SLC45A4: variants seen among roughly 807,000 people sequenced by gnomAD.
SLC45A4 encodes the protein polyamine-transporter SLC45A4.
A neutral mutation model predicts 63.7 loss-of-function variants in SLC45A4; 32 were observed. The observed-to-expected ratio is 0.50, with a 90% confidence interval of 0.38 to 0.67. SLC45A4 has a LOEUF of 0.67. SLC45A4 is among the 30% of genes least tolerant of loss of function. SLC45A4 has a pLI of 0.00. For synonymous variants in SLC45A4, 535 were observed against 510.0 expected, an observed-to-expected ratio of 1.05 and a Z score of -0.66; for missense variants, 1,027 against 1,157.7, an observed-to-expected ratio of 0.89 and a Z score of 1.64.
At chr8:141,277,093 G>T (rs1021930611) in intron 1 of SLC45A4, among the ~76,000 whole-genome samples, 3 of 152,254 alleles carry the variant, frequency 2.0e-5, no homozygotes, top group African/African-American at 7.2e-5. Context: ...CGGCACAGGG[G>T]TGAGGAGCCC....
intron 3 of SLC45A4, 54 bp from the exon 4 acceptor site, chr8:141,219,883 G>A (rs901697444): frequency 4.1e-6 from 6 of 1,463,808 alleles, no homozygotes; most frequent in Non-Finnish European, 5.4e-6. Flanking sequence ...GCCAGGGTGG[G>A]CCTGATAGCA....
Position 141,254,688 on chromosome 8 carries a change from G to A in SLC45A4, c.-400-59C>T. ...CAGGGGACGGCCACCAGATGGCCCT[G>A]TGGACCGCCGCCCGACCCCCGAGCA... On this transcript the variant is annotated intron_variant, in intron 1 of 8. Transcript: ENST00000517878. This position sits in a 1 kb window ranked among gnomAD's most constrained non-coding sequence, Gnocchi z 4.5. 1.4e-6 allele frequency: 1 copy of A among 695,030 alleles called. No individual in the cohort carries two copies. The highest frequency in any genetic ancestry group is 1.5e-5 in the South Asian group (1 of 66,682). The allele number at this position is 695,030 out of a possible 1,614,324, so 43.1% of individuals were successfully genotyped here.
intron 2 of SLC45A4, among the ~76,000 whole-genome samples, chr8:141,243,356 G>A (rs1828008523): frequency 6.6e-6 from 1 of 152,198 alleles, no homozygotes; most frequent in African/African-American, 2.4e-5. Flanking sequence ...TGTCAATGGC[G>A]CTCTCATTCC....
At chr8:141,239,980 A>C (rs1291454530) in intron 2 of SLC45A4, among the ~76,000 whole-genome samples, 2 of 152,228 alleles carry the variant, frequency 1.3e-5, no homozygotes, top group Non-Finnish European at 2.9e-5. Flanking sequence ...AGGCTTTTCA[A>C]GAGTAGACTT....
intron 1 of SLC45A4, among the ~76,000 whole-genome samples, chr8:141,285,525 G>A (rs1221794557): frequency 6.6e-6 from 1 of 152,194 alleles, no homozygotes; most frequent in Non-Finnish European, 1.5e-5. Context: ...GGTATAAACC[G>A]CACACGAGCA....
rs764267292 is a variant in SLC45A4 at position 141,219,034 on chromosome 8, G to A, written c.611-5C>T. The stretch of plus-strand genomic sequence containing the variant: ...AGCCGATGGCTCCGCCGAGGCCTGC[G>A]TGGGAGGAAGCAGCAGCCGGTGAGC... On this transcript the variant is annotated splice_region_variant and splice_polypyrimidine_tract_variant and intron_variant, in intron 4 of 8. Coordinates refer to ENST00000517878, the MANE Select transcript of SLC45A4 (RefSeq NM_001286646.2). 20 of 1,603,796 alleles carry A rather than the reference G, an allele frequency of 1.2e-5. No homozygotes were observed. The highest frequency in any genetic ancestry group is 4.5e-5 in the East Asian group (2 of 44,684).
intron 2 of SLC45A4, among the ~76,000 whole-genome samples, chr8:141,223,808 C>T (rs1826809900): frequency 6.6e-6 from 1 of 152,188 alleles, no homozygotes; most frequent in African/African-American, 2.4e-5. Flanking sequence ...CCCAGAGGGC[C>T]GTAGCTGCTC....
chr8:141,305,963 T>G (rs1830887097), intron 1 of SLC45A4, among the ~76,000 whole-genome samples: 1 of 152,214 alleles, frequency 6.6e-6, no homozygotes, highest in Non-Finnish European at 1.5e-5. Flanking sequence ...GGGCGGGATC[T>G]CAGAGCTCAC....
chr8:141,219,079 G>A (rs3739234), intron 4 of SLC45A4, 50 bp from the exon 5 acceptor site: 498,397 of 1,570,474 alleles, frequency 0.32, 80,974 homozygotes, highest in Admixed American at 0.45. Context: ...CAGGCCACAG[G>A]GGGGGAAGCT....
chr8:141,225,978 T>TC (rs1293163006), intron 2 of SLC45A4: 2 of 153,108 alleles, frequency 1.3e-5, no homozygotes, highest in Non-Finnish European at 2.9e-5. Context: ...AGGTCAGGCC[T>TC]CCCCACGCCT....
intron 2 of SLC45A4, among the ~76,000 whole-genome samples, chr8:141,242,192 G>A (rs923280946): frequency 1.3e-5 from 2 of 152,164 alleles, no homozygotes; most frequent in African/African-American, 4.8e-5. Context: ...AAACTTCACC[G>A]TGAAAGAAAA....
At chr8:141,260,633 G>A (rs971517069) in intron 1 of SLC45A4, among the ~76,000 whole-genome samples, 4 of 152,158 alleles carry the variant, frequency 2.6e-5, no homozygotes, top group Non-Finnish European at 5.9e-5. Flanking sequence ...AGAAGAAATG[G>A]ATAAATTCCT....
In SLC45A4 at chr8:141,259,522, ATGCATCTCCTCTTGCATCTCCTCCCG is replaced by A. The variant is rs1245390138; in HGVS notation, c.-400-4919_-400-4894del. On this transcript the variant is annotated intron_variant, in intron 1 of 8. Coordinates refer to ENST00000517878, the MANE Select transcript of SLC45A4 (RefSeq NM_001286646.2). ...GCCATGCATCTCCCTTGCCCTTCCC[ATGCATCTCCTCTTGCATCTCCTCCCG>A]TGCATCTCCTCTTGCCCTTCCCACC... Among the ~76,000 whole-genome samples, 74 of 152,052 alleles carry A rather than the reference ATGCATCTCCTCTTGCATCTCCTCCCG, an allele frequency of 4.9e-4. 1 individual carries two copies. Among genetic ancestry groups the A allele is most frequent in the Middle Eastern group, 3.4e-3 (1 of 294 alleles).
intron 2 of SLC45A4, among the ~76,000 whole-genome samples, chr8:141,237,634 C>T (rs1399399792): frequency 1.3e-5 from 2 of 152,156 alleles, no homozygotes; most frequent in Non-Finnish European, 2.9e-5. Context: ...ACCCTCACCC[C>T]AAAGCCACAC....
intron 2 of SLC45A4, among the ~76,000 whole-genome samples, chr8:141,246,438 C>A (rs1158151084): frequency 6.6e-6 from 1 of 151,962 alleles, no homozygotes; most frequent in Non-Finnish European, 1.5e-5. Flanking sequence ...AGGCCTCCTG[C>A]TCAGTTATTT....
intron 2 of SLC45A4, among the ~76,000 whole-genome samples, chr8:141,251,973 G>A (rs1317693375): frequency 2.1e-5 from 3 of 145,170 alleles, no homozygotes; most frequent in Non-Finnish European, 4.5e-5. Flanking sequence ...GCACATAACC[G>A]AGGGATCCGC....
intron 1 of SLC45A4, among the ~76,000 whole-genome samples, chr8:141,275,341 T>TA (rs1829690582): frequency 1.3e-5 from 2 of 152,174 alleles, no homozygotes; most frequent in Admixed American, 1.3e-4. Context: ...AATGACTTCT[T>TA]AAAAACTGGA....
At chr8:141,246,802 A>G (rs777283475) in intron 2 of SLC45A4, among the ~76,000 whole-genome samples, 2 of 152,206 alleles carry the variant, frequency 1.3e-5, no homozygotes, top group Non-Finnish European at 2.9e-5. Context: ...AACCAATGCT[A>G]TAAGCTTCAC....
intron 1 of SLC45A4, among the ~76,000 whole-genome samples, chr8:141,302,244 A>G (rs1830767786): frequency 6.6e-6 from 1 of 152,180 alleles, no homozygotes; most frequent in Non-Finnish European, 1.5e-5. Flanking sequence ...AAATGTGTCT[A>G]TAGTTTTTCA....
Sources: allele counts gnomAD v4.1 joint callset (sites outside exome capture counted in the v4.1 genomes callset), GRCh38; gene constraint gnomAD v4.1.1; non-coding constraint Gnocchi (gnomAD v3.1); transcripts MANE v1.5; gene names NCBI Gene and HGNC (gene_info 2026-07-23, HGNC 2026-07-21).